The following F13A1 variants were observed in gnomAD, a reference collection of about 807,000 sequenced individuals.
The protein encoded by F13A1 is FSF, A subunit.
Under a neutral mutation model 80.1 loss-of-function variants are expected in F13A1, and 47 were observed. The ratio of observed to expected loss-of-function variants is 0.59; its 90% confidence interval spans 0.46 to 0.75. F13A1 has a LOEUF of 0.75. F13A1 is among the 30% of genes least tolerant of loss of function. The pLI is 0.00. For synonymous variants in F13A1, 349 were observed against 344.9 expected (o/e 1.01, Z -0.13); for missense variants, 817 against 930.4 (o/e 0.88, Z 1.59).
chr6:6,210,086 C>A (rs962247612), intron 8 of F13A1, among the ~76,000 whole-genome samples: 85 of 150,888 alleles, frequency 5.6e-4, no homozygotes, highest in African/African-American at 2.0e-3. Context: ...TAAAAATTAG[C>A]CAGGTGTGGT....
intron 8 of F13A1, among the ~76,000 whole-genome samples, chr6:6,203,595 T>C (rs1761436942): frequency 6.6e-6 from 1 of 152,190 alleles, no homozygotes; most frequent in Non-Finnish European, 1.5e-5. Flanking sequence ...GGAAGAGGAC[T>C]CTGAGCATTA....
rs867079813 is a variant in F13A1 at position 6,190,451 on chromosome 6, C to A, written c.1305+5346G>T. ...TAGTTTTCCTTCTAACAGACAGGAC[C>A]CTCAGCTGCAGGTCTGTTGGAATAC... On this transcript the variant is annotated intron_variant, in intron 10 of 14. Coordinates refer to ENST00000264870, the MANE Select transcript of F13A1 (RefSeq NM_000129.4). 5.0e-3 allele frequency among the ~76,000 whole-genome samples: 747 copies of A among 149,472 alleles called. 10 individuals are homozygous for A. The highest frequency in any genetic ancestry group is 0.017 in the Middle Eastern group (5 of 294).
intron 3 of F13A1, among the ~76,000 whole-genome samples, chr6:6,298,499 G>A (rs1758367587): frequency 6.7e-6 from 1 of 149,816 alleles, no homozygotes; most frequent in South Asian, 2.1e-4. Flanking sequence ...TTACCATTAT[G>A]TAATGGCCTT....
chr6:6,168,893 G>A (rs374951023), intron 12 of F13A1, among the ~76,000 whole-genome samples: 13 of 152,290 alleles, frequency 8.5e-5, no homozygotes, highest in East Asian at 3.9e-4. Context: ...TCACACCTGC[G>A]ATGGATCTGC....
chr6:6,224,158 T>C (rs1335730161), intron 7 of F13A1, among the ~76,000 whole-genome samples: 1 of 152,154 alleles, frequency 6.6e-6, no homozygotes, highest in Admixed American at 6.5e-5. Flanking sequence ...GATCTCTAAT[T>C]GCTCAGGGGC....
At chr6:6,283,111 T>C (rs1583109856) in intron 3 of F13A1, among the ~76,000 whole-genome samples, 1 of 152,342 alleles carries the variant, frequency 6.6e-6, no homozygotes, top group East Asian at 1.9e-4. Flanking sequence ...CACAGCATCA[T>C]TTCTGCAATC....
At chr6:6,155,291 G>T (rs1760453493) in intron 13 of F13A1, among the ~76,000 whole-genome samples, 1 of 152,182 alleles carries the variant, frequency 6.6e-6, no homozygotes, top group African/African-American at 2.4e-5. Context: ...ATCATAGATA[G>T]GCTTCAGATC....
intron 4 of F13A1, among the ~76,000 whole-genome samples, chr6:6,252,724 T>A (rs1176301859): frequency 6.6e-6 from 1 of 152,224 alleles, no homozygotes; most frequent in Non-Finnish European, 1.5e-5. Context: ...TCCAATTGGA[T>A]GTGAACATTC....
intron 3 of F13A1, among the ~76,000 whole-genome samples, chr6:6,300,513 C>T (rs1028379345): frequency 4.6e-5 from 7 of 152,136 alleles, no homozygotes; most frequent in East Asian, 1.9e-4. Flanking sequence ...TTCCAGGTGC[C>T]GTCCGTCACC....
rs1051724211 is a variant in F13A1 at position 6,216,174 on chromosome 6, T to G, written c.1112+5859A>C. Among the ~76,000 whole-genome samples, 56 of 152,172 alleles carry G rather than the reference T, an allele frequency of 3.7e-4. 1 individual carries two copies. Among genetic ancestry groups the G allele is most frequent in the Non-Finnish European group, 6.9e-4 (47 of 67,990 alleles). On this transcript the variant is annotated intron_variant, in intron 8 of 14. Transcript: ENST00000264870. ...CTTTCTTCACAGAATTGGAAAAAAC[T>G]ACCTGAAAGTTCATATGGAACCAAA...
intron 8 of F13A1, among the ~76,000 whole-genome samples, chr6:6,217,194 C>T (rs1400797794): frequency 6.6e-6 from 1 of 151,698 alleles, no homozygotes; most frequent in African/African-American, 2.4e-5. Flanking sequence ...ACCCAAAGGA[C>T]TATAAATCAT....
chr6:6,254,022 G>A (rs143464389), intron 4 of F13A1, among the ~76,000 whole-genome samples: 215 of 152,138 alleles, frequency 1.4e-3, no homozygotes, highest in Non-Finnish European at 2.5e-3. Context: ...GAAACATAAC[G>A]TTCAATAAAT....
At chr6:6,209,575 A>C (rs956362003) in intron 8 of F13A1, among the ~76,000 whole-genome samples, 2 of 152,224 alleles carry the variant, frequency 1.3e-5, no homozygotes, top group African/African-American at 4.8e-5. Context: ...ATTATTCATG[A>C]AAGCCAAAAA....
chr6:6,227,258 G>T (rs561840723), intron 6 of F13A1, among the ~76,000 whole-genome samples: 19 of 152,280 alleles, frequency 1.2e-4, no homozygotes, highest in African/African-American at 4.3e-4. Context: ...TATTCAATTT[G>T]GTTTAGACAT....
At chr6:6,213,997 C>A in intron 8 of F13A1, among the ~76,000 whole-genome samples, 1 of 124,480 alleles carries the variant, frequency 8.0e-6, no homozygotes, top group Non-Finnish European at 1.7e-5. Flanking sequence ...AATATATATG[C>A]ACCCAATACA....
chr6:6,199,853 C>T (rs1761361301), intron 8 of F13A1, among the ~76,000 whole-genome samples: 1 of 152,126 alleles, frequency 6.6e-6, no homozygotes, highest in African/African-American at 2.4e-5. Flanking sequence ...AATAGTGGAC[C>T]AGAAAGGCAT....
intron 3 of F13A1, among the ~76,000 whole-genome samples, chr6:6,304,741 T>C (rs542109504): frequency 6.6e-6 from 1 of 151,890 alleles, no homozygotes; most frequent in South Asian, 2.1e-4. Context: ...TGTGCAACTG[T>C]GGTCCCAGCT....
At chr6:6,185,129 CTTT>C (rs113575772) in intron 10 of F13A1, among the ~76,000 whole-genome samples, 2 of 146,760 alleles carry the variant, frequency 1.4e-5, no homozygotes, top group East Asian at 2.0e-4. Flanking sequence ...GAATCTCTCT[CTTT>C]TTTTTTTTTT....
chr6:6,260,771 C>T (rs976771915), intron 4 of F13A1, among the ~76,000 whole-genome samples: 1 of 152,094 alleles, frequency 6.6e-6, no homozygotes, highest in African/African-American at 2.4e-5. Flanking sequence ...AATAATAAAG[C>T]TCACTGGATC....
Sources: gnomAD v4.1 joint callset for allele counts (sites outside exome capture counted in the v4.1 genomes callset) on GRCh38, gnomAD v4.1.1 for gene constraint, MANE v1.5 for transcripts, NCBI Gene and HGNC (gene_info 2026-07-23, HGNC 2026-07-21) for gene names.